MYO1D: variants seen among roughly 807,000 people sequenced by gnomAD.
MYO1D encodes unconventional myosin-Id.
In MYO1D, 83 loss-of-function variants were observed where a neutral mutation model predicts 122.0. That is an observed-to-expected ratio of 0.68 (90% CI 0.57 to 0.82). MYO1D has a LOEUF of 0.82. MYO1D is among the 40% of genes least tolerant of loss of function. The pLI is 0.00. For synonymous variants in MYO1D, 464 were observed against 446.9 expected (o/e 1.04, Z -0.48); for missense variants, 1,157 against 1,269.5 (o/e 0.91, Z 1.35).
chr17:32,835,184 GTGTT>G (rs1450969574), intron 1 of MYO1D, among the ~76,000 whole-genome samples: 2 of 140,132 alleles, frequency 1.4e-5, no homozygotes, highest in South Asian at 2.3e-4. Flanking sequence ...TTTTGGTTTT[GTGTT>G]TGTTTGTTTT....
chr17:32,524,359 G>A (rs561188151), intron 21 of MYO1D, among the ~76,000 whole-genome samples: 18 of 152,106 alleles, frequency 1.2e-4, no homozygotes, highest in African/African-American at 3.4e-4. Context: ...AAGCTCAGGC[G>A]TAGGATGGAA....
chr17:32,811,415 A>G (rs889180533), intron 1 of MYO1D, among the ~76,000 whole-genome samples: 1 of 152,078 alleles, frequency 6.6e-6, no homozygotes, highest in African/African-American at 2.4e-5. Context: ...GCATCTCCCA[A>G]ATCCATCCCC....
intron 1 of MYO1D, among the ~76,000 whole-genome samples, chr17:32,828,736 T>G (rs1394955999): frequency 6.6e-6 from 1 of 152,168 alleles, no homozygotes; most frequent in Non-Finnish European, 1.5e-5. Context: ...GTAGAAAAGC[T>G]AACCTATTTT....
At chr17:32,683,210 T>G (rs1243643518) in intron 16 of MYO1D, among the ~76,000 whole-genome samples, 1 of 150,720 alleles carries the variant, frequency 6.6e-6, no homozygotes, top group Non-Finnish European at 1.5e-5. Flanking sequence ...TCCCGTAGCT[T>G]AGAGTAATTT....
chr17:32,874,284 CTCTT>C (rs958252269), intron 1 of MYO1D, among the ~76,000 whole-genome samples: 3 of 151,448 alleles, frequency 2.0e-5, no homozygotes, highest in African/African-American at 7.3e-5. Flanking sequence ...CCCTTCCTTC[CTCTT>C]TATCTGTCTC....
At chr17:32,870,646 A>C (rs1242192165) in intron 1 of MYO1D, among the ~76,000 whole-genome samples, 2 of 152,206 alleles carry the variant, frequency 1.3e-5, no homozygotes, top group East Asian at 3.8e-4. Context: ...CATTGGTTGA[A>C]GACCAATCAG....
intron 1 of MYO1D, among the ~76,000 whole-genome samples, chr17:32,818,962 G>A (rs1021075138): frequency 4.6e-5 from 7 of 152,146 alleles, no homozygotes; most frequent in East Asian, 3.9e-4. Context: ...ATAGGTTGAC[G>A]TTACTTCTTC....
chr17:32,724,156 T>C (rs1239982705), intron 14 of MYO1D, among the ~76,000 whole-genome samples: 1 of 152,150 alleles, frequency 6.6e-6, no homozygotes, highest in Non-Finnish European at 1.5e-5. Context: ...TTTCTACTAG[T>C]TTGCTGGAAT....
At chr17:32,842,926 T>C (rs182859630) in intron 1 of MYO1D, among the ~76,000 whole-genome samples, 1 of 146,098 alleles carries the variant, frequency 6.8e-6, no homozygotes, top group African/African-American at 2.5e-5. Context: ...TCTCGCTCTG[T>C]AGCCCAGGCT....
At chr17:32,703,873 C>T (rs2089276554) in intron 16 of MYO1D, among the ~76,000 whole-genome samples, 1 of 152,038 alleles carries the variant, frequency 6.6e-6, no homozygotes, top group East Asian at 1.9e-4. Flanking sequence ...AATAAGTGTC[C>T]TATTTTCTGG....
At chr17:32,714,005 G>T (rs2089411626) in intron 15 of MYO1D, among the ~76,000 whole-genome samples, 1 of 150,518 alleles carries the variant, frequency 6.6e-6, no homozygotes, top group South Asian at 2.1e-4. Flanking sequence ...TCTGCTTTGT[G>T]CCTTACATGA....
chr17:32,830,883 C>T (rs913337148), intron 1 of MYO1D, among the ~76,000 whole-genome samples: 1 of 152,066 alleles, frequency 6.6e-6, no homozygotes, highest in Non-Finnish European at 1.5e-5. Context: ...CGGTGAAACC[C>T]GTCTCTACTA....
intron 1 of MYO1D, among the ~76,000 whole-genome samples, chr17:32,786,479 A>C (rs1036483200): frequency 1.8e-4 from 27 of 152,218 alleles, no homozygotes; most frequent in African/African-American, 6.3e-4. Context: ...CACCAAACTC[A>C]GTGCATTTTA....
chr17:32,839,149 G>C (rs1276952392), intron 1 of MYO1D, among the ~76,000 whole-genome samples: 8 of 152,168 alleles, frequency 5.3e-5, no homozygotes, highest in Non-Finnish European at 8.8e-5. Context: ...TACAGGAAAT[G>C]TCAAGAACTA....
chr17:32,873,369 T>C (rs2091200247), intron 1 of MYO1D, among the ~76,000 whole-genome samples: 1 of 152,128 alleles, frequency 6.6e-6, no homozygotes, highest in Admixed American at 6.5e-5. Context: ...CATTCCAGAC[T>C]GGGGAGTAAG....
chr17:32,819,261 A>G (rs2090640081), intron 1 of MYO1D, among the ~76,000 whole-genome samples: 1 of 149,404 alleles, frequency 6.7e-6, no homozygotes, highest in Non-Finnish European at 1.5e-5. Context: ...AGGCTATGCT[A>G]GCTTGGTTAT....
chr17:32,612,707 A>C (rs538923616), intron 20 of MYO1D, among the ~76,000 whole-genome samples: 56 of 151,540 alleles, frequency 3.7e-4, no homozygotes, highest in African/African-American at 1.3e-3. Context: ...AAAAAAAAAA[A>C]AAAAAGAAGA....
At chr17:32,876,191 A>C (rs1227880674) in intron 1 of MYO1D, among the ~76,000 whole-genome samples, 1 of 152,156 alleles carries the variant, frequency 6.6e-6, no homozygotes, top group Non-Finnish European at 1.5e-5. Context: ...AGAGTAACTA[A>C]AAAAATAGCC....
intron 14 of MYO1D, among the ~76,000 whole-genome samples, chr17:32,731,976 G>C (rs544483065): frequency 6.6e-6 from 1 of 152,342 alleles, no homozygotes; most frequent in South Asian, 2.1e-4. Flanking sequence ...TGGTCTTGGC[G>C]CCCACTCTGA....
Sources: allele counts gnomAD v4.1 joint callset (sites outside exome capture counted in the v4.1 genomes callset), GRCh38; gene constraint gnomAD v4.1.1; transcripts MANE v1.5; gene names NCBI Gene and HGNC (gene_info 2026-07-23, HGNC 2026-07-21).